SLC49A3: variants seen among roughly 807,000 people sequenced by gnomAD.
SLC49A3 encodes the protein solute carrier family 49 member 3, also known as solute carrier family 49 member A3.
Under a neutral mutation model 43.8 loss-of-function variants are expected in SLC49A3, and 50 were observed. That is an observed-to-expected ratio of 1.14 (90% CI 0.91 to 1.45). The LOEUF (loss-of-function observed/expected upper bound fraction) is 1.45. SLC49A3 is among the 40% of genes most tolerant of loss of function. The probability of loss-of-function intolerance (pLI) is 0.00; values close to 1 mark genes in which losing one functional copy is unlikely to be tolerated. For missense variants in SLC49A3, 906 were observed against 774.1 expected (o/e 1.17, Z -2.02); for synonymous variants, 413 against 352.0 (o/e 1.17, Z -1.94).
downstream of SLC49A3, chr4:679,965 C>T (rs376238911): frequency 1.1e-4 from 171 of 1,613,528 alleles, no homozygotes; most frequent in Non-Finnish European, 1.3e-4. Flanking sequence ...AAAGAGGCCT[C>T]GGGGCCCATC....
In SLC49A3 at chr4:683,232, T is replaced by C. The variant is rs368950723; in HGVS notation, c.1129A>G (p.Thr377Ala). ...CACCCCAGCACAAAGATCATGCCTG[T>C]GGCAGCCCCCTCCCCCACGGGGAAG... ...CSFPVGEGAA[T>A]GMIFVLGQAE... Residue 377 changes from threonine (T) to alanine (A), a missense_variant, in exon 8 of 10, where the codon ACA becomes GCA. Thr to Ala is a moderately conservative substitution (Grantham distance 58). Transcript: ENST00000322224. 1.4e-4 allele frequency: 219 copies of C among 1,612,522 alleles called. No individual in the cohort carries two copies. The highest frequency in any genetic ancestry group is 1.8e-4 in the Non-Finnish European group (213 of 1,179,890).
chr4:679,840 G>A, downstream of SLC49A3: 1 of 1,340,340 alleles, frequency 7.5e-7, no homozygotes, highest in South Asian at 1.2e-5. Context: ...GCCTGGCCCT[G>A]TGCTGGGGTC....
chr4:683,660 G>A lies in SLC49A3; in HGVS notation c.942C>T (p.Ala314=), dbSNP rs904025694. Residue 314 remains alanine, a synonymous_variant, in exon 7 of 10, where the codon GCC becomes GCT. Transcript: ENST00000322224. ...YVDRTKHFTE[A]TKIGLCLFSL... ...AGAACAGGCACAGGCCAATCTTGGT[G>A]GCCTCAGTGAAGTGCTTGGTCCGGT... is the stretch of plus-strand genomic sequence containing the variant. 6.2e-7 allele frequency: 1 copy of A among 1,611,922 alleles called. No homozygotes were observed. Among genetic ancestry groups the A allele is most frequent in the Non-Finnish European group, 8.5e-7 (1 of 1,179,504 alleles).
downstream of SLC49A3, chr4:680,003 G>A (rs752350887): frequency 4.3e-6 from 7 of 1,612,910 alleles, no homozygotes; most frequent in South Asian, 4.4e-5. Context: ...GAACCTGTTT[G>A]GGGAGAAGCT....
chr4:679,606 C>T (rs183174185), downstream of SLC49A3, among the ~76,000 whole-genome samples: 9 of 152,254 alleles, frequency 5.9e-5, no homozygotes, highest in East Asian at 5.8e-4. Context: ...GTGGGAGGGT[C>T]GCAAGTGACC....
downstream of SLC49A3, chr4:680,559 G>T: frequency 6.2e-7 from 1 of 1,613,526 alleles, no homozygotes; most frequent in Non-Finnish European, 8.5e-7. Flanking sequence ...GCTGGACCCG[G>T]ACGGGAAAGG....
At chr4:678,573 T>TGA (rs1239351830), downstream of SLC49A3, 1 of 1,521,796 alleles carries the variant, frequency 6.6e-7, no homozygotes, top group African/African-American at 1.4e-5. Context: ...ACCCTTCATC[T>TGA]GAGTTAAGTC....
chr4:683,487 C>T, intron 7 of SLC49A3, 120 bp from the exon 8 acceptor site: 1 of 1,495,550 alleles, frequency 6.7e-7, no homozygotes, highest in Non-Finnish European at 9.0e-7. Flanking sequence ...GCCACCCTGG[C>T]TGGCAGAGGC....
In SLC49A3 at chr4:682,312, G is replaced by A; in HGVS notation, c.1326C>T (p.His442=). 1 of 1,350,942 alleles carries A rather than the reference G, an allele frequency of 7.4e-7. No individual in the cohort carries two copies. Among genetic ancestry groups the A allele is most frequent in the Non-Finnish European group, 9.6e-7 (1 of 1,041,758 alleles). The allele number at this position is 1,350,942 out of a possible 1,614,324, so 83.7% of individuals were successfully genotyped here. The change falls in exon 10 of 10, where the codon CAC becomes CAT. Residue 442 remains histidine, a synonymous_variant. Coordinates refer to ENST00000322224, the MANE Select transcript of SLC49A3 (RefSeq NM_032219.4). ...FFSCILAVFF[H]TPYRRLQAES... ...CGGCCTGCAGGCGCCGGTATGGGGTGTGGAAGAAGACCGCCAGGATGCAGC... is the reference window on the plus strand; with the variant it reads ...CGGCCTGCAGGCGCCGGTATGGGGTATGGAAGAAGACCGCCAGGATGCAGC...
downstream of SLC49A3, among the ~76,000 whole-genome samples, chr4:680,345 T>C (rs1739330735): frequency 2.0e-5 from 3 of 152,112 alleles, no homozygotes; most frequent in South Asian, 6.2e-4. Context: ...AAGGCCTCCT[T>C]GGGGCTCAGG....
chr4:684,530 AG>A lies in SLC49A3; in HGVS notation c.792del (p.Phe265SerfsTer115), dbSNP rs1380371735. On this transcript the variant is annotated frameshift_variant, in exon 6 of 10. Coordinates refer to ENST00000322224, the MANE Select transcript of SLC49A3 (RefSeq NM_032219.4). LOFTEE classifies it high-confidence loss of function. ...AGGATCTGCTCCAGGAGGGCTGAGA[AG>A]CTGGCAGAGATCCCGATCATTCCCC... ...CLGGMIGISA[S>X]FSALLEQILC... 11 of 1,613,098 alleles carry A rather than the reference AG, an allele frequency of 6.8e-6. No individual in the cohort carries two copies. The South Asian group carries it at 1.2e-4, about 18-fold the overall frequency.
At chr4:681,763 C>T (rs1240681328), downstream of SLC49A3, 2 of 1,183,740 alleles carry the variant, frequency 1.7e-6, no homozygotes, top group African/African-American at 3.4e-5. Flanking sequence ...CAGCGCCGCC[C>T]TCACCCCGCA....
chr4:685,707 G>T lies in SLC49A3; in HGVS notation c.585+128C>A, dbSNP rs923354996. 8 of 968,374 alleles carry T rather than the reference G, an allele frequency of 8.3e-6. No homozygotes were observed. Among genetic ancestry groups the T allele is most frequent in the Non-Finnish European group, 1.3e-5 (8 of 633,114 alleles). The allele number at this position is 968,374 out of a possible 1,614,324, so 60.0% of individuals were successfully genotyped here. A position where few individuals can be genotyped will look rare whatever the true frequency, so the allele number is the denominator to read the frequency against. ...AGCGACAGGCTGAGACTCCTTCTCG[G>T]GTGGCGGGGCGGGGGACGGGAATCA... On this transcript the variant is annotated intron_variant, in intron 4 of 9. Transcript: ENST00000322224. The surrounding 1 kb of genome is among the most constrained non-coding windows in gnomAD (Gnocchi z 4.3).
At chr4:691,421 G>A (rs542823989), upstream of SLC49A3, among the ~76,000 whole-genome samples, 3 of 150,770 alleles carry the variant, frequency 2.0e-5, no homozygotes, top group East Asian at 4.0e-4. Context: ...TGGTGAAACC[G>A]TCTTCACTAA....
In SLC49A3 at chr4:684,745, C is replaced by CT; in HGVS notation, c.696dup (p.Glu233ArgfsTer81). 1 of 1,611,864 alleles carries CT rather than the reference C, an allele frequency of 6.2e-7. No individual in the cohort carries two copies. The highest frequency in any genetic ancestry group is 1.1e-5 in the South Asian group (1 of 91,042). On this transcript the variant is annotated frameshift_variant, in exon 5 of 10. Transcript: ENST00000322224. LOFTEE classifies it high-confidence loss of function. ...AGCTTGAGCCCATCCAGGAACTTCT[C>CT]TGAGGTGGAGCTGGCAGCCCCGGCA...
chr4:685,247 G>A lies in SLC49A3; in HGVS notation c.586-391C>T, dbSNP rs577350700. On this transcript the variant is annotated intron_variant, in intron 4 of 9. Transcript: ENST00000322224. This position sits in a 1 kb window ranked among gnomAD's most constrained non-coding sequence, Gnocchi z 4.3. ...ACCCCCAAGCACAAACACACCACCC[G>A]CACCTGATACACATGCACGAGCACA... 42 of 324,116 alleles carry A rather than the reference G, an allele frequency of 1.3e-4. No individual in the cohort carries two copies. The highest frequency in any genetic ancestry group is 2.3e-4 in the Non-Finnish European group (40 of 172,304). 20.1% of individuals were successfully genotyped at this position (324,116 alleles called of 1,614,324 possible).
rs755406207 is a variant in SLC49A3 at position 686,313 on chromosome 4, G to A, written c.295-11C>T. ...CGCACCCAGGATGGTCTGCGAGGAG[G>A]GGGTCGGGGACCGGGTCAGGAACGC... On this transcript the variant is annotated splice_polypyrimidine_tract_variant and intron_variant, in intron 2 of 9. Coordinates refer to ENST00000322224, the MANE Select transcript of SLC49A3 (RefSeq NM_032219.4). 3 of 1,612,500 alleles carry A rather than the reference G, an allele frequency of 1.9e-6. No individual in the cohort carries two copies. In the Admixed American group the frequency reaches 5.0e-5, roughly 27 times the overall value.
Position 684,702 on chromosome 4 carries a change from G to T in SLC49A3, c.723+17C>A, listed in dbSNP as rs753301546. 3.1e-6 allele frequency: 5 copies of T among 1,607,318 alleles called. No homozygotes were observed. In the Admixed American group the frequency reaches 8.5e-5, roughly 27 times the overall value. On this transcript the variant is annotated intron_variant, in intron 5 of 9. Coordinates refer to ENST00000322224, the MANE Select transcript of SLC49A3 (RefSeq NM_032219.4). Reference sequence around the variant, plus strand: ...ACCCCCAAATCCACCCTACCCCGGGGATCCCACGGCACTGACCAGCTTGAG... The same window carrying T: ...ACCCCCAAATCCACCCTACCCCGGGTATCCCACGGCACTGACCAGCTTGAG...
At chr4:681,443 AC>A (rs1451114779), downstream of SLC49A3, among the ~76,000 whole-genome samples, 3 of 78,078 alleles carry the variant, frequency 3.8e-5, no homozygotes, top group Admixed American at 1.3e-4. Context: ...GCCGCCCCCC[AC>A]CCCCGACGCG....
Sources: allele counts gnomAD v4.1 joint callset (sites outside exome capture counted in the v4.1 genomes callset), GRCh38; gene constraint gnomAD v4.1.1; non-coding constraint Gnocchi (gnomAD v3.1); transcripts MANE v1.5; gene names NCBI Gene and HGNC (gene_info 2026-07-23, HGNC 2026-07-21).